Variants in KLHL1 observed in about 807,000 individuals in gnomAD.
KLHL1 encodes the protein kelch-like protein 1.
A neutral mutation model predicts 77.7 loss-of-function variants in KLHL1; 47 were observed. The ratio of observed to expected loss-of-function variants is 0.60; its 90% CI spans 0.48 to 0.77. The LOEUF is 0.77. Ranked by LOEUF, KLHL1 falls within the 30% of genes least tolerant of loss-of-function variation. The probability of loss-of-function intolerance (pLI) is 0.00; values close to 1 mark genes in which losing one functional copy is unlikely to be tolerated. For missense variants in KLHL1, 925 were observed against 910.8 expected, an observed-to-expected ratio of 1.02 and a Z score of -0.20; for synonymous variants, 360 against 325.2, an observed-to-expected ratio of 1.11 and a Z score of -1.15.
chr13:70,027,649 G>GGTTTTTTTTT (rs1885983910), intron 1 of KLHL1, among the ~76,000 whole-genome samples: 2 of 109,336 alleles, frequency 1.8e-5, no homozygotes, highest in African/African-American at 8.0e-5. Context: ...CAAAATGTAA[G>GGTTTTTTTTT]TTGTTTTTTT....
At chr13:69,782,326 G>T (rs1295001531) in intron 7 of KLHL1, among the ~76,000 whole-genome samples, 1 of 152,230 alleles carries the variant, frequency 6.6e-6, no homozygotes, top group Non-Finnish European at 1.5e-5. Flanking sequence ...AGGTCAGTGG[G>T]TGCAGCGCAC....
chr13:69,763,490 T>C (rs901618825), intron 7 of KLHL1, among the ~76,000 whole-genome samples: 1 of 152,214 alleles, frequency 6.6e-6, no homozygotes, highest in Admixed American at 6.5e-5. Flanking sequence ...TGTTTACATG[T>C]ATGCATATGT....
At chr13:69,770,628 T>C (rs549508519) in intron 7 of KLHL1, among the ~76,000 whole-genome samples, 1 of 152,350 alleles carries the variant, frequency 6.6e-6, no homozygotes, top group East Asian at 1.9e-4. Context: ...TGTGAGCCAC[T>C]GTCCTAAGAC....
intron 10 of KLHL1, among the ~76,000 whole-genome samples, chr13:69,705,567 T>A (rs1477323654): frequency 6.6e-6 from 1 of 151,718 alleles, no homozygotes; most frequent in Non-Finnish European, 1.5e-5. Context: ...ACTTTTCAAG[T>A]AGGCTAGAAT....
At chr13:69,996,103 G>A (rs1433008056) in intron 1 of KLHL1, among the ~76,000 whole-genome samples, 1 of 152,066 alleles carries the variant, frequency 6.6e-6, no homozygotes, top group Non-Finnish European at 1.5e-5. Flanking sequence ...AGGAGACTGA[G>A]ACCATCCTGG....
chr13:70,034,691 T>C (rs74369634), intron 1 of KLHL1, among the ~76,000 whole-genome samples: 4 of 152,102 alleles, frequency 2.6e-5, no homozygotes, highest in Non-Finnish European at 4.4e-5. Context: ...CATGTGTATT[T>C]TGAGGAAGAG....
rs368319446 is a variant in KLHL1, at chr13:70,107,424, C to G, written c.276G>C (p.Leu92=). 1.2e-5 allele frequency: 19 copies of G among 1,611,720 alleles called. No homozygotes were observed. The highest frequency in any genetic ancestry group is 1.5e-5 in the Non-Finnish European group (18 of 1,179,956). ...TGGCAACTGGAAGCAGGGTGCCATT[C>G]AGCGGATTGAAGGAAGAGGAGGAAG... The part of the protein sequence containing the change: ...PSSSSSSFNP[L]NGTLLPVATR... Residue 92 remains leucine (L), a synonymous_variant, in exon 1 of 11, where the codon CTG becomes CTC. Transcript: ENST00000377844.
intron 4 of KLHL1, among the ~76,000 whole-genome samples, chr13:69,917,142 A>G (rs1457290133): frequency 6.6e-6 from 1 of 152,050 alleles, no homozygotes; most frequent in Non-Finnish European, 1.5e-5. Flanking sequence ...AAATAAAGTA[A>G]TAAAAAGAGT....
intron 5 of KLHL1, among the ~76,000 whole-genome samples, chr13:69,849,776 G>T (rs972583843): frequency 1.3e-5 from 2 of 151,200 alleles, no homozygotes; most frequent in East Asian, 1.9e-4. Flanking sequence ...AGAGCTATAG[G>T]CCCCATGATT....
intron 8 of KLHL1, among the ~76,000 whole-genome samples, chr13:69,729,789 G>A (rs746047856): frequency 1.3e-5 from 2 of 152,004 alleles, no homozygotes; most frequent in Non-Finnish European, 2.9e-5. Flanking sequence ...AGTAAAAAAT[G>A]GAGCCATTCA....
intron 7 of KLHL1, among the ~76,000 whole-genome samples, chr13:69,779,790 T>C (rs938041478): frequency 1.3e-5 from 2 of 151,738 alleles, no homozygotes; most frequent in African/African-American, 4.8e-5. Flanking sequence ...ATGCAAAATT[T>C]ATTTTTTATT....
At chr13:69,863,702 T>A (rs1880261294) in intron 5 of KLHL1, among the ~76,000 whole-genome samples, 1 of 152,070 alleles carries the variant, frequency 6.6e-6, no homozygotes, top group Admixed American at 6.6e-5. Flanking sequence ...AATATTCATG[T>A]TCAGTGTCTA....
chr13:69,703,772 A>T (rs374949036), intron 10 of KLHL1, among the ~76,000 whole-genome samples: 38 of 151,864 alleles, frequency 2.5e-4, no homozygotes, highest in Middle Eastern at 6.8e-3. Context: ...TACCTAGAAT[A>T]CTCATTACGG....
intron 7 of KLHL1, among the ~76,000 whole-genome samples, chr13:69,779,559 C>T (rs950472519): frequency 1.3e-5 from 2 of 150,388 alleles, no homozygotes; most frequent in South Asian, 2.1e-4. Flanking sequence ...TCTGGGATTA[C>T]TAATGGTGTC....
At position 69,833,832 on chromosome 13, in the gene KLHL1, C is replaced by CATATAT. The variant is rs200976141; in HGVS notation, c.1414+5138_1414+5143dup. Among the ~76,000 whole-genome samples the CATATAT allele has an allele frequency of 9.4e-3, 1,386 of 147,038 alleles. 21 individuals are homozygous for CATATAT. The highest frequency in any genetic ancestry group is 0.034 in the African/African-American group (1,316 of 39,236). On this transcript the variant is annotated intron_variant, in intron 6 of 10. Transcript: ENST00000377844. ...ATATATACACACACACACATGTATA[C>CATATAT]ATATATATATACACACACATATATA...
intron 10 of KLHL1, among the ~76,000 whole-genome samples, chr13:69,704,923 TA>T (rs1875557434): frequency 6.6e-6 from 1 of 151,042 alleles, no homozygotes; most frequent in Non-Finnish European, 1.5e-5. Context: ...CTTATATATC[TA>T]TTGTCTACAA....
intron 1 of KLHL1, among the ~76,000 whole-genome samples, chr13:70,067,804 A>G (rs1218807447): frequency 6.6e-6 from 1 of 152,104 alleles, no homozygotes; most frequent in Non-Finnish European, 1.5e-5. Context: ...TGTTTCCTCC[A>G]CCATAACCAT....
intron 1 of KLHL1, among the ~76,000 whole-genome samples, chr13:70,029,299 T>C (rs1327065922): frequency 6.6e-6 from 1 of 152,164 alleles, no homozygotes; most frequent in Non-Finnish European, 1.5e-5. Context: ...AGTGACTTTC[T>C]ATGGCATTGA....
At chr13:69,910,942 G>A (rs1882215946) in intron 4 of KLHL1, among the ~76,000 whole-genome samples, 1 of 152,152 alleles carries the variant, frequency 6.6e-6, no homozygotes, top group East Asian at 1.9e-4. Flanking sequence ...TACTACCATT[G>A]TACAACATTT....
Sources: allele counts gnomAD v4.1 joint callset (sites outside exome capture counted in the v4.1 genomes callset), GRCh38; gene constraint gnomAD v4.1.1; transcripts MANE v1.5; gene names NCBI Gene and HGNC (gene_info 2026-07-23, HGNC 2026-07-21).